Variants in ACTN1 observed in about 807,000 individuals in gnomAD.
ACTN1 encodes the protein actinin alpha 1.
Under a neutral mutation model 119.6 loss-of-function variants are expected in ACTN1, and 30 were observed. The ratio of observed to expected loss-of-function variants is 0.25; its 90% CI spans 0.19 to 0.34. ACTN1 has a LOEUF of 0.34. Ranked by LOEUF, ACTN1 falls within the 10% of genes least tolerant of loss-of-function variation. The probability of loss-of-function intolerance (pLI) is 1.00; values close to 1 mark genes in which losing one functional copy is unlikely to be tolerated. For synonymous variants in ACTN1, 429 were observed against 472.6 expected (o/e 0.91, Z 1.20); for missense variants, 764 against 1,223.4 (o/e 0.62, Z 5.60).
At chr14:68,947,788 G>A (rs2035990105) in intron 1 of ACTN1, among the ~76,000 whole-genome samples, 1 of 152,234 alleles carries the variant, frequency 6.6e-6, no homozygotes, top group African/African-American at 2.4e-5. Flanking sequence ...ATCTAAAAAG[G>A]GAAGTAGGAC....
At chr14:68,910,142 C>A (rs934991524) in intron 4 of ACTN1, 100 bp from the exon 5 acceptor site, 1 of 840,880 alleles carries the variant, frequency 1.2e-6, no homozygotes. Context: ...TGATGCCAAC[C>A]CTGCAGCTAC....
chr14:68,876,455 C>T (rs1334287634), intron 21 of ACTN1, among the ~76,000 whole-genome samples: 1 of 152,044 alleles, frequency 6.6e-6, no homozygotes, highest in Non-Finnish European at 1.5e-5. Flanking sequence ...CTACAGATCC[C>T]CTCAGGTCCC....
chr14:68,979,141 A>G lies in ACTN1; in HGVS notation c.-85T>C. 1 of 414,798 alleles carries G rather than the reference A, an allele frequency of 2.4e-6. No individual in the cohort carries two copies. The highest frequency in any genetic ancestry group is 4.3e-6 in the Non-Finnish European group (1 of 235,002). The allele number at this position is 414,798 out of a possible 1,614,324, so 25.7% of individuals were successfully genotyped here. ...TGCTGCCCTGGCGTGGGGAGGGAGT[A>G]GGGCTGGGCTGGGCTGGGCTGGCGG... On this transcript the variant is annotated 5_prime_UTR_variant, in exon 1 of 22. Transcript: ENST00000394419.
chr14:68,930,656 C>T (rs1487339065), intron 1 of ACTN1, among the ~76,000 whole-genome samples: 2 of 152,164 alleles, frequency 1.3e-5, no homozygotes, highest in East Asian at 3.8e-4. Flanking sequence ...CAAATCCAGG[C>T]CTATCAGCTT....
At chr14:68,933,155 G>GA (rs1212120542) in intron 1 of ACTN1, among the ~76,000 whole-genome samples, 1 of 149,806 alleles carries the variant, frequency 6.7e-6, no homozygotes, top group Non-Finnish European at 1.5e-5. Flanking sequence ...TATTATTTGC[G>GA]ATGTATCTCG....
chr14:68,975,672 G>A (rs185760812), intron 1 of ACTN1, among the ~76,000 whole-genome samples: 1 of 152,212 alleles, frequency 6.6e-6, no homozygotes, highest in Non-Finnish European at 1.5e-5. Flanking sequence ...TGACTTCAGA[G>A]CCCAGCCTCA....
At chr14:68,910,671 G>A (rs537629673) in intron 4 of ACTN1, among the ~76,000 whole-genome samples, 5 of 152,296 alleles carry the variant, frequency 3.3e-5, no homozygotes, top group African/African-American at 1.2e-4. Flanking sequence ...TGCTAGGTTT[G>A]TGCTGTGTCC....
chr14:68,962,267 G>A (rs537620340), intron 1 of ACTN1, among the ~76,000 whole-genome samples: 72 of 152,228 alleles, frequency 4.7e-4, no homozygotes, highest in African/African-American at 1.6e-3. Flanking sequence ...TCAAATTCCC[G>A]CCTAGCCTTG....
intron 1 of ACTN1, among the ~76,000 whole-genome samples, chr14:68,935,921 G>A (rs1457807041): frequency 1.3e-5 from 2 of 152,092 alleles, no homozygotes; most frequent in African/African-American, 2.4e-5. Context: ...CCACTCTCCC[G>A]GAATCAAAAA....
In ACTN1 at chr14:68,885,414, G is replaced by A. The variant is rs761105547; in HGVS notation, c.1385+11C>T. 3.7e-6 allele frequency: 6 copies of A among 1,605,642 alleles called. No homozygotes were observed. Among genetic ancestry groups the A allele is most frequent in the Non-Finnish European group, 5.1e-6 (6 of 1,174,558 alleles). ...CCTCACCACAGGGTAGGGGTGTCTG[G>A]GGCCACCTACTTGAGCTCCTGTGCG... On this transcript the variant is annotated intron_variant, in intron 12 of 21. Transcript: ENST00000394419. This position sits in a 1 kb window ranked among gnomAD's most constrained non-coding sequence, Gnocchi z 5.6.
rs2031967581 is a variant in ACTN1 at position 68,885,936 on chromosome 14, T to C, written c.1235-361A>G. On this transcript the variant is annotated intron_variant, in intron 11 of 21. Coordinates refer to ENST00000394419, the MANE Select transcript of ACTN1 (RefSeq NM_001130004.2). The surrounding 1 kb of genome is among the most constrained non-coding windows in gnomAD (Gnocchi z 5.6). ...AAAAACAACCCAAGCACCTCAGGAGTACCCTGCCTTTAGAATGTCCCCAGT... is the reference window on the plus strand; with the variant it reads ...AAAAACAACCCAAGCACCTCAGGAGCACCCTGCCTTTAGAATGTCCCCAGT... 1 of 193,616 alleles carries C rather than the reference T, an allele frequency of 5.2e-6. No individual in the cohort carries two copies. Among genetic ancestry groups the C allele is most frequent in the African/African-American group, 2.3e-5 (1 of 43,780 alleles). 12.0% of individuals were successfully genotyped at this position (193,616 alleles called of 1,614,324 possible).
intron 2 of ACTN1, among the ~76,000 whole-genome samples, chr14:68,924,945 G>A (rs1346400499): frequency 1.3e-5 from 2 of 152,188 alleles, no homozygotes; most frequent in Non-Finnish European, 2.9e-5. Flanking sequence ...GACGCCCAGC[G>A]AGGTTCAGCA....
intron 1 of ACTN1, among the ~76,000 whole-genome samples, chr14:68,929,947 A>G (rs1594832463): frequency 1.3e-5 from 2 of 152,380 alleles, no homozygotes; most frequent in Admixed American, 6.5e-5. Flanking sequence ...GAGGGGCCCC[A>G]GCCCAGGCTA....
At position 68,879,149 on chromosome 14, in the gene ACTN1, G is replaced by A. The variant is rs1421616471; in HGVS notation, c.2281-80C>T. 2.2e-6 allele frequency: 3 copies of A among 1,374,522 alleles called. No individual in the cohort carries two copies. The highest frequency in any genetic ancestry group is 2.5e-5 in the East Asian group (1 of 40,496). The allele number at this position is 1,374,522 out of a possible 1,614,324, so 85.1% of individuals were successfully genotyped here. ...GTGAGGGGGGCATGCCCCGGGGGAG[G>A]GTGGCGTGTGTGGGGAGACACAGGG... On this transcript the variant is annotated intron_variant, in intron 18 of 21. Transcript: ENST00000394419. The surrounding 1 kb of genome is among the most constrained non-coding windows in gnomAD (Gnocchi z 4.9).
chr14:68,942,196 C>CA (rs2035782101), intron 1 of ACTN1, among the ~76,000 whole-genome samples: 3 of 146,178 alleles, frequency 2.1e-5, no homozygotes, highest in Middle Eastern at 3.5e-3. Context: ...ACGCAACAGG[C>CA]AAAAAACTCT....
chr14:68,959,002 A>G lies in ACTN1; in HGVS notation c.105+19950T>C, dbSNP rs184272029. Among the ~76,000 whole-genome samples the G allele has an allele frequency of 9.6e-4, 146 of 152,300 alleles. 1 individual carries two copies. The highest frequency in any genetic ancestry group is 7.9e-4 in the Non-Finnish European group (54 of 68,016). ...TTCACATGCTTAGCACCCAAAACAA[A>G]TATTCAGGTTGGTGCAAAATTCCCA... On this transcript the variant is annotated intron_variant, in intron 1 of 21. Transcript: ENST00000394419.
At chr14:68,899,473 ACAC>A (rs1050474611) in intron 8 of ACTN1, among the ~76,000 whole-genome samples, 9 of 121,648 alleles carry the variant, frequency 7.4e-5, no homozygotes, top group Non-Finnish European at 1.6e-4. Context: ...CCACATACAC[ACAC>A]CACACTCCCC....
At position 68,902,331 on chromosome 14, in the gene ACTN1, A is replaced by G; in HGVS notation, c.762+146T>C. 3 of 684,146 alleles carry G rather than the reference A, an allele frequency of 4.4e-6. No individual in the cohort carries two copies. The South Asian group carries it at 5.1e-5, about 12-fold the overall frequency. The allele number at this position is 684,146 out of a possible 1,614,324, so 42.4% of individuals were successfully genotyped here. On this transcript the variant is annotated intron_variant, in intron 8 of 21. Coordinates refer to ENST00000394419, the MANE Select transcript of ACTN1 (RefSeq NM_001130004.2). ...GGGAGCCAGGTAAGAACAACACGCC[A>G]CTTCAGAACTAGGGACTGCCTCTGT...
chr14:68,906,866 T>C (rs1044497960), intron 6 of ACTN1, among the ~76,000 whole-genome samples: 2 of 152,146 alleles, frequency 1.3e-5, no homozygotes, highest in Admixed American at 1.3e-4. Flanking sequence ...GCTGTTCCTG[T>C]AATCCCAGCT....
Sources: gnomAD v4.1 joint callset for allele counts (sites outside exome capture counted in the v4.1 genomes callset) on GRCh38, gnomAD v4.1.1 for gene constraint, Gnocchi (gnomAD v3.1) non-coding constraint, MANE v1.5 for transcripts, NCBI Gene and HGNC (gene_info 2026-07-23, HGNC 2026-07-21) for gene names.